Variants in R3HDM1 observed in about 807,000 individuals in gnomAD.
The protein encoded by R3HDM1 is R3H domain-containing protein 1.
A neutral mutation model predicts 141.1 loss-of-function variants in R3HDM1; 46 were observed. The ratio of observed to expected loss-of-function variants is 0.33; its 90% CI spans 0.26 to 0.42. R3HDM1 has a LOEUF of 0.42. Among genes scored for constraint, R3HDM1 ranks in the 10% least tolerant of loss-of-function variants. The pLI is 1.00. For missense variants in R3HDM1, 1,184 were observed against 1,368.3 expected (o/e 0.87, Z 2.12); for synonymous variants, 435 against 472.9 (o/e 0.92, Z 1.04).
chr2:135,533,291 A>G (rs1412360543), intron 1 of R3HDM1, among the ~76,000 whole-genome samples: 1 of 152,250 alleles, frequency 6.6e-6, no homozygotes, highest in South Asian at 2.1e-4. Flanking sequence ...AAATAAAGAA[A>G]TAAATACACA....
chr2:135,607,399 T>TAAAAA, intron 3 of R3HDM1: 1 of 925,550 alleles, frequency 1.1e-6, no homozygotes. Flanking sequence ...CCTCCAGCTA[T>TAAAAA]AAAAAAAGCA....
In R3HDM1 at chr2:135,549,561, C is replaced by CAAAAA. The variant is rs1236257586; in HGVS notation, c.-250+17944_-250+17948dup. On this transcript the variant is annotated intron_variant, in intron 1 of 26. Coordinates refer to ENST00000683871, the MANE Select transcript of R3HDM1 (RefSeq NM_001378107.1). ...GGGTGACAAGAGCGAAACTCTGCCT[C>CAAAAA]AAAAAAAAAAAAAAAAAAAACAAAA... Among the ~76,000 whole-genome samples the CAAAAA allele has an allele frequency of 2.1e-3, 142 of 67,400 alleles. 1 individual carries two copies. The highest frequency in any genetic ancestry group is 6.5e-3 in the African/African-American group (129 of 19,888). 44.2% of individuals were successfully genotyped at this position (67,400 alleles called of 152,430 possible). A position where few individuals can be genotyped will look rare whatever the true frequency, so the allele number is the denominator to read the frequency against.
intron 1 of R3HDM1, among the ~76,000 whole-genome samples, chr2:135,588,622 T>TA (rs1486484015): frequency 6.6e-6 from 1 of 152,164 alleles, no homozygotes; most frequent in Non-Finnish European, 1.5e-5. Flanking sequence ...CTTGAGGTCT[T>TA]ATAAGTGGAT....
intron 9 of R3HDM1, among the ~76,000 whole-genome samples, chr2:135,635,295 C>G (rs1407546932): frequency 6.6e-6 from 1 of 152,170 alleles, no homozygotes; most frequent in African/African-American, 2.4e-5. Context: ...CGGCACTGCA[C>G]TTTCCTTGTC....
chr2:135,686,892 T>A, intron 21 of R3HDM1, among the ~76,000 whole-genome samples: 1 of 152,160 alleles, frequency 6.6e-6, no homozygotes, highest in East Asian at 1.9e-4. Flanking sequence ...TATTCCACAG[T>A]ATGACCTCTA....
At chr2:135,613,108 C>G (rs2060690710) in intron 3 of R3HDM1, among the ~76,000 whole-genome samples, 7 of 152,220 alleles carry the variant, frequency 4.6e-5, no homozygotes, top group Admixed American at 4.6e-4. Flanking sequence ...CACCCATTAT[C>G]AGCTCACAGT....
At chr2:135,617,345 A>G (rs929068328) in intron 5 of R3HDM1, among the ~76,000 whole-genome samples, 1 of 151,730 alleles carries the variant, frequency 6.6e-6, no homozygotes, top group Non-Finnish European at 1.5e-5. Context: ...ATATATATAT[A>G]TATTAAGGTA....
chr2:135,619,783 T>C lies in R3HDM1; in HGVS notation c.304-1711T>C, dbSNP rs577197184. On this transcript the variant is annotated intron_variant, in intron 5 of 26. Transcript: ENST00000683871. Reference sequence around the variant, plus strand: ...AGGAATTAATCTGGAATAAAACTCATTATTCAAAAAGTTGAGAGGCAATTA... The same window carrying C: ...AGGAATTAATCTGGAATAAAACTCACTATTCAAAAAGTTGAGAGGCAATTA... 4 of 920,274 alleles carry C rather than the reference T, an allele frequency of 4.3e-6. No homozygotes were observed. The South Asian group carries it at 2.0e-4, about 46-fold the overall frequency. The allele number at this position is 920,274 out of a possible 1,614,324, so 57.0% of individuals were successfully genotyped here. A position where few individuals can be genotyped will look rare whatever the true frequency, so the allele number is the denominator to read the frequency against.
intron 16 of R3HDM1, among the ~76,000 whole-genome samples, chr2:135,646,588 C>T (rs915218011): frequency 4.6e-5 from 7 of 151,490 alleles, no homozygotes; most frequent in Non-Finnish European, 8.8e-5. Context: ...TGGCTCACAC[C>T]TGTAATCCCA....
intron 9 of R3HDM1, among the ~76,000 whole-genome samples, chr2:135,633,471 G>A (rs1483904180): frequency 6.6e-6 from 1 of 152,140 alleles, no homozygotes; most frequent in Non-Finnish European, 1.5e-5. Flanking sequence ...CTTTAGAGCT[G>A]TCTTTATCAA....
chr2:135,721,037 C>T (rs2076652730), intron 24 of R3HDM1, among the ~76,000 whole-genome samples: 1 of 152,142 alleles, frequency 6.6e-6, no homozygotes, highest in South Asian at 2.1e-4. Context: ...TCCATATCTT[C>T]AAAGTATCCA....
intron 19 of R3HDM1, among the ~76,000 whole-genome samples, chr2:135,662,308 G>T (rs1028560250): frequency 6.6e-6 from 1 of 152,170 alleles, no homozygotes; most frequent in African/African-American, 2.4e-5. Flanking sequence ...TGTGAAACTC[G>T]TCAGGGTTAC....
At chr2:135,680,120 T>G (rs2069986232) in intron 20 of R3HDM1, 53 bp from the exon 21 acceptor site, 2 of 1,535,056 alleles carry the variant, frequency 1.3e-6, no homozygotes, top group Non-Finnish European at 1.8e-6. Flanking sequence ...CATAAACATT[T>G]ACAAGGCCTT....
intron 17 of R3HDM1, chr2:135,650,453 A>C: frequency 1.0e-6 from 1 of 981,460 alleles, no homozygotes; most frequent in Non-Finnish European, 1.2e-6. Context: ...TTTTCTAAGA[A>C]GATTTCTGGA....
intron 1 of R3HDM1, among the ~76,000 whole-genome samples, chr2:135,541,851 T>TAAAA (rs10558924): frequency 7.4e-5 from 9 of 121,884 alleles, no homozygotes; most frequent in Admixed American, 8.4e-5. Context: ...TTCAATTTGT[T>TAAAA]AAAAAAAAAA....
intron 6 of R3HDM1, 177 bp downstream of exon 6, chr2:135,621,785 C>G (rs2105178745): frequency 3.1e-6 from 3 of 967,792 alleles, no homozygotes; most frequent in African/African-American, 2.1e-5. Flanking sequence ...TTCCATATAT[C>G]AGTAAGACGT....
intron 24 of R3HDM1, among the ~76,000 whole-genome samples, chr2:135,719,528 A>G (rs1200394386): frequency 1.3e-5 from 2 of 152,198 alleles, no homozygotes; most frequent in Non-Finnish European, 2.9e-5. Flanking sequence ...ATGTTTGTAT[A>G]CTGAAATATT....
chr2:135,539,316 T>C (rs945382133), intron 1 of R3HDM1, among the ~76,000 whole-genome samples: 1 of 152,224 alleles, frequency 6.6e-6, no homozygotes, highest in Non-Finnish European at 1.5e-5. Flanking sequence ...TACTTTCATA[T>C]AGTCATATGC....
intron 9 of R3HDM1, among the ~76,000 whole-genome samples, chr2:135,633,242 T>TA (rs2105222249): frequency 6.6e-6 from 1 of 152,314 alleles, no homozygotes; most frequent in Non-Finnish European, 1.5e-5. Flanking sequence ...ATATCATGAC[T>TA]AAAGTAGGAT....
Sources: gnomAD v4.1 joint callset for allele counts (sites outside exome capture counted in the v4.1 genomes callset) on GRCh38, gnomAD v4.1.1 for gene constraint, MANE v1.5 for transcripts, NCBI Gene and HGNC (gene_info 2026-07-23, HGNC 2026-07-21) for gene names.